The following PCDH15 variants were observed in gnomAD, a reference collection of about 807,000 sequenced individuals.
PCDH15 encodes the protein protocadherin-15.
Under a neutral mutation model 178.5 loss-of-function variants are expected in PCDH15, and 129 were observed. The observed-to-expected ratio is 0.72, with a 90% CI of 0.63 to 0.84. The LOEUF is 0.84. Among genes scored for constraint, PCDH15 ranks in the 40% least tolerant of loss-of-function variants. The pLI, the probability that PCDH15 is intolerant of heterozygous loss-of-function variation, is 0.00. For synonymous variants in PCDH15, 800 were observed against 732.0 expected (o/e 1.09, Z -1.50); for missense variants, 2,230 against 2,099.9 (o/e 1.06, Z -1.21).
chr10:55,416,838 G>A (rs552255106), intron 2 of PCDH15, among the ~76,000 whole-genome samples: 26 of 151,796 alleles, frequency 1.7e-4, no homozygotes, highest in Non-Finnish European at 2.5e-4. Flanking sequence ...TGTCACTACA[G>A]AACAAACAAA....
At chr10:54,024,886 T>C (rs1254005725) in intron 18 of PCDH15, among the ~76,000 whole-genome samples, 1 of 152,066 alleles carries the variant, frequency 6.6e-6, no homozygotes, top group Non-Finnish European at 1.5e-5. Flanking sequence ...TGGTCTGAAA[T>C]TACTCATCAA....
At chr10:54,067,303 TA>T (rs1377263152) in intron 17 of PCDH15, among the ~76,000 whole-genome samples, 1 of 152,162 alleles carries the variant, frequency 6.6e-6, no homozygotes, top group Non-Finnish European at 1.5e-5. Context: ...CAGTACATTA[TA>T]AAATAGCATG....
At chr10:54,702,821 C>T (rs2095324127) in intron 1 of PCDH15, among the ~76,000 whole-genome samples, 1 of 151,968 alleles carries the variant, frequency 6.6e-6, no homozygotes, top group Non-Finnish European at 1.5e-5. Flanking sequence ...ATTCCAAAAA[C>T]ATTGAGAAGG....
At chr10:55,528,913 G>A (rs1353719652) in intron 2 of PCDH15, among the ~76,000 whole-genome samples, 2 of 151,992 alleles carry the variant, frequency 1.3e-5, no homozygotes, top group African/African-American at 2.4e-5. Context: ...TTTAATGATT[G>A]CCATTCTAAC....
chr10:55,151,194 C>A (rs187703658), intron 2 of PCDH15, among the ~76,000 whole-genome samples: 82 of 152,134 alleles, frequency 5.4e-4, no homozygotes, highest in South Asian at 1.9e-3. Flanking sequence ...AGAGTAATTT[C>A]TGTCATTTCT....
At chr10:53,834,621 T>G (rs188371890) in intron 29 of PCDH15, among the ~76,000 whole-genome samples, 1 of 152,028 alleles carries the variant, frequency 6.6e-6, no homozygotes, top group Non-Finnish European at 1.5e-5. Context: ...CTTCCCAGGA[T>G]GTAGCCAACA....
chr10:54,086,907 T>A (rs547975128), intron 16 of PCDH15, among the ~76,000 whole-genome samples: 1 of 152,308 alleles, frequency 6.6e-6, no homozygotes, highest in South Asian at 2.1e-4. Flanking sequence ...AGAACCTCTG[T>A]GACCCAGCCA....
At chr10:55,078,222 A>G (rs1841957424) in intron 2 of PCDH15, among the ~76,000 whole-genome samples, 1 of 151,934 alleles carries the variant, frequency 6.6e-6, no homozygotes, top group Admixed American at 6.6e-5. Context: ...TGACTAGATG[A>G]TTTTCTCTTG....
intron 3 of PCDH15, among the ~76,000 whole-genome samples, chr10:54,424,299 C>T (rs1239937437): frequency 1.3e-5 from 2 of 151,860 alleles, no homozygotes; most frequent in Non-Finnish European, 2.9e-5. Flanking sequence ...CAACTCAAAA[C>T]CACAATGAGA....
Position 53,974,464 on chromosome 10 carries a change from G to A in PCDH15, c.2869-12572C>T, listed in dbSNP as rs538891519. Among the ~76,000 whole-genome samples, 3 of 152,070 alleles carry A rather than the reference G, an allele frequency of 2.0e-5. No individual in the cohort carries two copies. The East Asian group carries it at 5.8e-4, about 29-fold the overall frequency. ...TATTTGTAAGAGAAATTTAAAAATT[G>A]TCTAAAATATTAGAAATTAAAAATT... On this transcript the variant is annotated intron_variant, in intron 21 of 37. Transcript: ENST00000644397.
chr10:53,838,306 G>GT (rs2077433706), intron 29 of PCDH15, among the ~76,000 whole-genome samples: 1 of 151,890 alleles, frequency 6.6e-6, no homozygotes, highest in African/African-American at 2.4e-5. Context: ...TATATATTCT[G>GT]TTTTTTCCTT....
At chr10:55,591,049 C>T (rs1013470775) in intron 2 of PCDH15, among the ~76,000 whole-genome samples, 7 of 151,946 alleles carry the variant, frequency 4.6e-5, no homozygotes, top group Non-Finnish European at 8.8e-5. Flanking sequence ...ATTGCCTTAA[C>T]TTATCTAGCA....
At chr10:54,777,778 A>G (rs891857700) in intron 1 of PCDH15, among the ~76,000 whole-genome samples, 1 of 152,214 alleles carries the variant, frequency 6.6e-6, no homozygotes, top group African/African-American at 2.4e-5. Flanking sequence ...AAAAATTGAG[A>G]AAATTAAAAC....
rs181514906 is a variant in PCDH15 at position 54,540,999 on chromosome 10, G to T, written c.92-13122C>A. Reference sequence around the variant, plus strand: ...ATCCTCAACAAACTCTGTATCAAGGGAACATATCTCAAAATAATAGGAGCC... The same window carrying T: ...ATCCTCAACAAACTCTGTATCAAGGTAACATATCTCAAAATAATAGGAGCC... On this transcript the variant is annotated intron_variant, in intron 2 of 37. Transcript: ENST00000644397. 3.5e-3 allele frequency among the ~76,000 whole-genome samples: 539 copies of T among 152,100 alleles called. 4 individuals carry two copies. Among genetic ancestry groups the T allele is most frequent in the Non-Finnish European group, 5.1e-3 (346 of 67,960 alleles).
chr10:55,238,287 T>C (rs2440727), intron 1 of PCDH15, among the ~76,000 whole-genome samples: 1,680 of 151,832 alleles, frequency 0.011, 15 homozygotes, highest in Middle Eastern at 0.058. Context: ...GTAGTTGGGA[T>C]TACAGGCACC....
intron 1 of PCDH15, among the ~76,000 whole-genome samples, chr10:54,718,273 T>C (rs111504016): frequency 1.3e-5 from 2 of 151,344 alleles, no homozygotes; most frequent in Non-Finnish European, 2.9e-5. Context: ...ATAATAATAA[T>C]AAAAAGAAAA....
chr10:54,162,593 TCA>T (rs751674168), intron 13 of PCDH15, among the ~76,000 whole-genome samples: 130 of 152,278 alleles, frequency 8.5e-4, no homozygotes, highest in Non-Finnish European at 1.6e-3. Flanking sequence ...GCAGCTCCCT[TCA>T]GATGTGGTAA....
intron 3 of PCDH15, among the ~76,000 whole-genome samples, chr10:54,500,347 C>G (rs1385858031): frequency 3.3e-5 from 5 of 152,078 alleles, no homozygotes; most frequent in Non-Finnish European, 2.9e-5. Flanking sequence ...GGGTACTGCA[C>G]TCACTACCTT....
chr10:54,600,777 C>A, intron 2 of PCDH15: 1 of 448,098 alleles, frequency 2.2e-6, no homozygotes, highest in Non-Finnish European at 4.2e-6. Context: ...CCCATAGGGG[C>A]TCCAGACATT....
Sources: gnomAD v4.1 joint callset for allele counts (sites outside exome capture counted in the v4.1 genomes callset) on GRCh38, gnomAD v4.1.1 for gene constraint, MANE v1.5 for transcripts, NCBI Gene and HGNC (gene_info 2026-07-23, HGNC 2026-07-21) for gene names.